The following SLC25A48 variants were observed in gnomAD, a reference collection of about 807,000 sequenced individuals.
The protein encoded by SLC25A48 is solute carrier family 25 member 48, also known as CTC-321K16.1.
A neutral mutation model predicts 32.2 loss-of-function variants in SLC25A48; 29 were observed. The observed-to-expected ratio is 0.90, with a 90% CI of 0.67 to 1.23. The LOEUF is 1.23. SLC25A48 is among the 50% of genes most tolerant of loss of function. The probability of loss-of-function intolerance (pLI) is 0.00; values close to 1 mark genes in which losing one functional copy is unlikely to be tolerated. For synonymous variants in SLC25A48, 164 were observed against 172.3 expected (o/e 0.95, Z 0.38); for missense variants, 399 against 422.7 (o/e 0.94, Z 0.49).
rs572878540 is a variant in SLC25A48 at position 135,711,308 on chromosome 5, G to A, written c.-521+76352G>A. 1.3e-5 allele frequency among the ~76,000 whole-genome samples: 2 copies of A among 152,344 alleles called. 1 individual carries two copies. The highest frequency in any genetic ancestry group is 4.1e-4 in the South Asian group (2 of 4,826). ...TGGGAGCCAGTCAAAGAGATAGTCA[G>A]TCATATTCCAGAGCAGCTCAACCAA... On this transcript the variant is annotated intron_variant, in intron 3 of 10. Coordinates refer to the SLC25A48 transcript ENST00000646290.
intron 3 of SLC25A48, among the ~76,000 whole-genome samples, chr5:135,811,955 G>A (rs1041875248): frequency 1.3e-5 from 2 of 152,172 alleles, no homozygotes; most frequent in African/African-American, 4.8e-5. Context: ...GGTGGCATGG[G>A]CCTGTAATCC....
chr5:135,813,579 C>T (rs1757641356), intron 4 of SLC25A48, among the ~76,000 whole-genome samples: 1 of 152,190 alleles, frequency 6.6e-6, no homozygotes, highest in Non-Finnish European at 1.5e-5. Flanking sequence ...CTATTATATA[C>T]AGCCATGGCT....
intron 4 of SLC25A48, among the ~76,000 whole-genome samples, chr5:135,817,411 C>A (rs1304281131): frequency 6.6e-6 from 1 of 152,154 alleles, no homozygotes; most frequent in Non-Finnish European, 1.5e-5. Context: ...TGATTTTTGA[C>A]AAATATGCCA....
intron 1 of SLC25A48, among the ~76,000 whole-genome samples, chr5:135,622,585 G>A (rs1752349393): frequency 6.6e-6 from 1 of 152,056 alleles, no homozygotes; most frequent in South Asian, 2.1e-4. Flanking sequence ...GCTATATATA[G>A]CATGATTCAT....
chr5:135,875,006 A>C, intron 6 of SLC25A48: 4 of 364,648 alleles, frequency 1.1e-5, no homozygotes, highest in East Asian at 4.4e-5. Context: ...CATCCCTTCC[A>C]TGAAGGGCGG....
chr5:135,591,750 A>G (rs950742891), intron 1 of SLC25A48, among the ~76,000 whole-genome samples: 3 of 152,168 alleles, frequency 2.0e-5, no homozygotes, highest in African/African-American at 7.2e-5. Flanking sequence ...CTGGGAGGCA[A>G]TTGAATGCTT....
chr5:135,866,451 C>G (rs1761210451), intron 4 of SLC25A48, among the ~76,000 whole-genome samples: 1 of 152,200 alleles, frequency 6.6e-6, no homozygotes, highest in Non-Finnish European at 1.5e-5. Flanking sequence ...GGCTGGGTCC[C>G]TGGGTTCTGG....
At chr5:135,816,229 C>T (rs955503768) in intron 4 of SLC25A48, among the ~76,000 whole-genome samples, 1 of 152,132 alleles carries the variant, frequency 6.6e-6, no homozygotes. Flanking sequence ...GTGGGGATTA[C>T]AATTGGAGAT....
At position 135,779,902 on chromosome 5, in the gene SLC25A48, G is replaced by A. The variant is rs1490129423; in HGVS notation, c.-520-32621G>A. Among the ~76,000 whole-genome samples, 3 of 115,872 alleles carry A rather than the reference G, an allele frequency of 2.6e-5. 1 individual carries two copies. Among genetic ancestry groups the A allele is most frequent in the Non-Finnish European group, 6.4e-5 (3 of 47,192 alleles). The allele number at this position is 115,872 out of a possible 152,430, so 76.0% of individuals were successfully genotyped here. A position where few individuals can be genotyped will look rare whatever the true frequency, so the allele number is the denominator to read the frequency against. On this transcript the variant is annotated intron_variant, in intron 3 of 10. Transcript: ENST00000646290. ...ATATTGCTCTTAGTATTTCAGGGAT[G>A]TACACACCCATGAGATATTGATCCC...
At chr5:135,867,089 A>G (rs1299221941) in intron 4 of SLC25A48, among the ~76,000 whole-genome samples, 1 of 152,226 alleles carries the variant, frequency 6.6e-6, no homozygotes. Context: ...TCATGATTTT[A>G]AAAAGATCAA....
At chr5:135,580,367 G>T (rs1264361301) in intron 1 of SLC25A48, among the ~76,000 whole-genome samples, 2 of 152,178 alleles carry the variant, frequency 1.3e-5, no homozygotes, top group African/African-American at 4.8e-5. Flanking sequence ...CCTGGGCTTG[G>T]CTGTCAGGAG....
chr5:135,871,787 CA>C, intron 5 of SLC25A48, 69 bp downstream of exon 5: 1 of 1,592,330 alleles, frequency 6.3e-7, no homozygotes, highest in Non-Finnish European at 8.6e-7. Flanking sequence ...GGGGAACTGC[CA>C]TGCCCTTCTC....
At chr5:135,631,068 G>T (rs112645313) in intron 2 of SLC25A48, among the ~76,000 whole-genome samples, 3,058 of 152,246 alleles carry the variant, frequency 0.02, 100 homozygotes, top group African/African-American at 0.069. Flanking sequence ...CATCGACCCT[G>T]AACTTCCAGC....
chr5:135,854,396 T>C (rs1017587573), intron 4 of SLC25A48, among the ~76,000 whole-genome samples: 1 of 152,264 alleles, frequency 6.6e-6, no homozygotes, highest in African/African-American at 2.4e-5. Context: ...TTGTTGAGTA[T>C]AGTCATGTTC....
chr5:135,735,005 C>G (rs1236974290), intron 3 of SLC25A48, among the ~76,000 whole-genome samples: 1 of 152,102 alleles, frequency 6.6e-6, no homozygotes, highest in African/African-American at 2.4e-5. Context: ...GTTCCAGGGG[C>G]TCTGGGAGTG....
rs184262164 is a variant in SLC25A48, at chr5:135,883,421, A to G, written c.*7+3324A>G. 2.4e-4 allele frequency: 239 copies of G among 985,446 alleles called. No homozygotes were observed. In the African/African-American group the frequency reaches 3.6e-3, roughly 15 times the overall value. 61.0% of individuals were successfully genotyped at this position (985,446 alleles called of 1,614,324 possible). On this transcript the variant is annotated intron_variant, in intron 7 of 7. Transcript: ENST00000681962. The stretch of plus-strand genomic sequence containing the variant: ...TCATGGAAGAGCTGGAGTTGGCTCT[A>G]AGTTTCAAAATAAAAGCATTAAAAA...
At position 135,769,158 on chromosome 5, in the gene SLC25A48, C is replaced by A. The variant is rs187933751; in HGVS notation, c.-520-43365C>A. On this transcript the variant is annotated intron_variant, in intron 3 of 10. Transcript: ENST00000646290. ...CTACCAATATCGCAAGGGGTGTACA[C>A]CCCCCTGTGATATTGTTCATAATAT... Among the ~76,000 whole-genome samples, 4 of 149,176 alleles carry A rather than the reference C, an allele frequency of 2.7e-5. No homozygotes were observed. The Admixed American group carries it at 2.7e-4, about 10-fold the overall frequency.
Position 135,700,555 on chromosome 5 carries a change from C to T in SLC25A48, c.-521+65599C>T, listed in dbSNP as rs141874904. ...AGCCCATCTCTGGGAGAGGCCCCCA[C>T]GGGCAGATGTCTGGTGGCCCCTGTG... On this transcript the variant is annotated intron_variant, in intron 3 of 10. Coordinates refer to the SLC25A48 transcript ENST00000646290. Among the ~76,000 whole-genome samples the T allele has an allele frequency of 9.8e-4, 150 of 152,312 alleles. 2 individuals are homozygous for T. In the East Asian group the frequency reaches 0.023, roughly 24 times the overall value.
intron 3 of SLC25A48, among the ~76,000 whole-genome samples, chr5:135,719,434 A>G (rs1285604569): frequency 6.6e-6 from 1 of 152,100 alleles, no homozygotes; most frequent in Non-Finnish European, 1.5e-5. Context: ...GTTGGGGAGA[A>G]GCACAAAGAG....
Sources: gnomAD v4.1 joint callset for allele counts (sites outside exome capture counted in the v4.1 genomes callset) on GRCh38, gnomAD v4.1.1 for gene constraint, MANE v1.5 for transcripts, NCBI Gene and HGNC (gene_info 2026-07-23, HGNC 2026-07-21) for gene names.